The following ITGA4 variants were observed in gnomAD, a reference collection of about 807,000 sequenced individuals.
The protein encoded by ITGA4 is integrin alpha-4.
ITGA4 carries 63 observed loss-of-function variants against 133.6 expected under a neutral mutation model. The ratio of observed to expected loss-of-function variants is 0.47; its 90% confidence interval spans 0.38 to 0.58. The LOEUF is 0.58. Among genes scored for constraint, ITGA4 ranks in the 20% least tolerant of loss-of-function variants. The pLI is 0.00. For missense variants in ITGA4, 1,076 were observed against 1,252.7 expected, an observed-to-expected ratio of 0.86 and a Z score of 2.13; for synonymous variants, 483 against 438.0, an observed-to-expected ratio of 1.10 and a Z score of -1.28.
intron 27 of ITGA4, 29 bp from the exon 28 acceptor site, chr2:181,535,402 AC>A: frequency 6.5e-7 from 1 of 1,538,694 alleles, no homozygotes; most frequent in South Asian, 1.2e-5. Context: ...TCATAACTAT[AC>A]ACTAGTGATT....
In ITGA4 at chr2:181,495,876, T is replaced by G. The variant is rs1297675559; in HGVS notation, c.1479T>G (p.Ser493=). ...ACTGTGTTGAAAATGGATGGCCTTC[T>G]GTGTGCATAGATCTAACACTTTGTT... is the stretch of plus-strand genomic sequence containing the variant. ...KFDCVENGWP[S]VCIDLTLCFS... The change falls in exon 14 of 28, where the codon TCT becomes TCG. Residue 493 remains serine (S), a synonymous_variant. Coordinates refer to ENST00000397033, the MANE Select transcript of ITGA4 (RefSeq NM_000885.6). The surrounding 1 kb of genome is among the most constrained non-coding windows in gnomAD (Gnocchi z 4.3). 1 of 1,614,096 alleles carries G rather than the reference T, an allele frequency of 6.2e-7. No homozygotes were observed. Among genetic ancestry groups the G allele is most frequent in the Non-Finnish European group, 8.5e-7 (1 of 1,179,952 alleles).
chr2:181,490,489 G>A (rs1369326450), intron 10 of ITGA4, among the ~76,000 whole-genome samples: 1 of 1,440 alleles, frequency 6.9e-4, no homozygotes. Context: ...GTATTCGTGT[G>A]TGTGTGTGTG....
At chr2:181,513,746 C>A (rs1339343536) in intron 17 of ITGA4, among the ~76,000 whole-genome samples, 2 of 152,152 alleles carry the variant, frequency 1.3e-5, no homozygotes, top group East Asian at 3.9e-4. Flanking sequence ...CCATGCTCTC[C>A]TGAACCTCTG....
intron 17 of ITGA4, among the ~76,000 whole-genome samples, chr2:181,518,056 G>C (rs144393833): frequency 6.6e-6 from 1 of 151,794 alleles, no homozygotes; most frequent in Non-Finnish European, 1.5e-5. Context: ...AGTTTGGGGT[G>C]GGGGGGCAGG....
intron 2 of ITGA4, among the ~76,000 whole-genome samples, chr2:181,465,805 CCCTT>C (rs1264595873): frequency 6.6e-6 from 1 of 152,064 alleles, no homozygotes; most frequent in Non-Finnish European, 1.5e-5. Context: ...GAGTTTTAAT[CCCTT>C]CCTTCCCCAC....
chr2:181,477,466 T>C (rs930477022), intron 4 of ITGA4, among the ~76,000 whole-genome samples: 3 of 152,044 alleles, frequency 2.0e-5, no homozygotes, highest in African/African-American at 7.2e-5. Flanking sequence ...TCCTATATAT[T>C]TAAAATGTAT....
Position 181,523,259 on chromosome 2 carries a change from C to T in ITGA4, c.2074-178C>T, listed in dbSNP as rs760465641. 1.0e-4 allele frequency: 54 copies of T among 518,366 alleles called. No homozygotes were observed. The highest frequency in any genetic ancestry group is 9.9e-4 in the South Asian group (47 of 47,268). The allele number at this position is 518,366 out of a possible 1,614,324, so 32.1% of individuals were successfully genotyped here. A position where few individuals can be genotyped will look rare whatever the true frequency, so the allele number is the denominator to read the frequency against. ...ATATATACACATACATATATACACA[C>T]ATGCACACATATTTATATCATATGT... On this transcript the variant is annotated intron_variant, in intron 18 of 27. Transcript: ENST00000397033. The surrounding 1 kb of genome is among the most constrained non-coding windows in gnomAD (Gnocchi z 4.2).
In ITGA4 at chr2:181,460,566, A is replaced by AATGTGTGTGTGTGTGTGT. The variant is rs79689303; in HGVS notation, c.319+2249_319+2250insATGTGTGTGTGTGTGTGT. On this transcript the variant is annotated intron_variant, in intron 2 of 27. Transcript: ENST00000397033. ...ATATATAAGCCATCTTCTGTAGAAG[A>AATGTGTGTGTGTGTGTGT]GTGTGTGTGTGTGTGTGTGTGTGTG... Among the ~76,000 whole-genome samples the AATGTGTGTGTGTGTGTGT allele has an allele frequency of 1.0e-2, 1,479 of 148,036 alleles. 26 individuals carry two copies. The highest frequency in any genetic ancestry group is 0.025 in the East Asian group (122 of 4,890).
At chr2:181,526,919 C>A (rs901802717) in intron 21 of ITGA4, among the ~76,000 whole-genome samples, 4 of 143,136 alleles carry the variant, frequency 2.8e-5, no homozygotes, top group African/African-American at 7.6e-5. Context: ...GCAACCTCTG[C>A]TTCTCGGGTT....
At chr2:181,482,032 C>G (rs1685816427) in intron 7 of ITGA4, among the ~76,000 whole-genome samples, 1 of 152,086 alleles carries the variant, frequency 6.6e-6, no homozygotes, top group African/African-American at 2.4e-5. Context: ...AATATTATTC[C>G]TGGTTTTAGT....
intron 15 of ITGA4, among the ~76,000 whole-genome samples, chr2:181,506,788 C>T (rs1400123026): frequency 1.3e-5 from 2 of 151,978 alleles, no homozygotes; most frequent in African/African-American, 4.8e-5. Context: ...ATAATCTATT[C>T]CTTATCTGCT....
chr2:181,475,324 A>C, intron 4 of ITGA4, 36 bp downstream of exon 4: 1 of 1,523,694 alleles, frequency 6.6e-7, no homozygotes. Context: ...AGATAAAGAT[A>C]AGTAAGTGAA....
chr2:181,527,762 C>A (rs546363589), intron 22 of ITGA4, among the ~76,000 whole-genome samples: 1 of 152,266 alleles, frequency 6.6e-6, no homozygotes, highest in African/African-American at 2.4e-5. Flanking sequence ...TTGGTTCAAG[C>A]GTATAAAAAC....
intron 2 of ITGA4, among the ~76,000 whole-genome samples, chr2:181,470,760 A>G (rs956885255): frequency 6.6e-6 from 1 of 152,190 alleles, no homozygotes; most frequent in African/African-American, 2.4e-5. Context: ...CTATATCCCC[A>G]GCTACATAGG....
chr2:181,526,820 CCTTTTTTTTT>C (rs2105768541), intron 21 of ITGA4, among the ~76,000 whole-genome samples: 1 of 27,876 alleles, frequency 3.6e-5, no homozygotes, highest in African/African-American at 7.6e-5. Flanking sequence ...GAGCACATGG[CCTTTTTTTTT>C]TTTTTTTTTT....
chr2:181,488,955 T>C (rs1685983679), intron 10 of ITGA4, among the ~76,000 whole-genome samples: 1 of 152,212 alleles, frequency 6.6e-6, no homozygotes, highest in African/African-American at 2.4e-5. Flanking sequence ...ACAGGGCCAG[T>C]GTGTCCTAGT....
chr2:181,464,980 CA>C (rs1685377601), intron 2 of ITGA4, among the ~76,000 whole-genome samples: 1 of 152,056 alleles, frequency 6.6e-6, no homozygotes, highest in South Asian at 2.1e-4. Context: ...CTATGTAAAA[CA>C]CTATAATTCA....
intron 2 of ITGA4, among the ~76,000 whole-genome samples, chr2:181,462,651 C>T (rs1444726655): frequency 6.6e-6 from 1 of 152,168 alleles, no homozygotes; most frequent in Non-Finnish European, 1.5e-5. Context: ...CAGAGAGCTT[C>T]ACTAATAAAC....
At chr2:181,489,480 A>G (rs902436916) in intron 10 of ITGA4, among the ~76,000 whole-genome samples, 2 of 152,134 alleles carry the variant, frequency 1.3e-5, no homozygotes, top group African/African-American at 4.8e-5. Context: ...CTTGACCACT[A>G]TTTATCGGTT....
Sources: allele counts gnomAD v4.1 joint callset (sites outside exome capture counted in the v4.1 genomes callset), GRCh38; gene constraint gnomAD v4.1.1; non-coding constraint Gnocchi (gnomAD v3.1); transcripts MANE v1.5; gene names NCBI Gene and HGNC (gene_info 2026-07-23, HGNC 2026-07-21).